TLE4: variants seen among roughly 807,000 people sequenced by gnomAD.
TLE4 encodes the protein TLE family member 4, transcriptional corepressor.
A neutral mutation model predicts 92.8 loss-of-function variants in TLE4; 8 were observed. That is an observed-to-expected ratio of 0.09 (90% CI 0.05 to 0.16). The LOEUF (loss-of-function observed/expected upper bound fraction) is 0.16. Ranked by LOEUF, TLE4 falls within the 10% of genes least tolerant of loss-of-function variation. The probability of loss-of-function intolerance (pLI) is 1.00; values close to 1 mark genes in which losing one functional copy is unlikely to be tolerated. For missense variants in TLE4, 675 were observed against 997.6 expected, an observed-to-expected ratio of 0.68 and a Z score of 4.36; for synonymous variants, 371 against 374.1, an observed-to-expected ratio of 0.99 and a Z score of 0.10.
intron 19 of TLE4, among the ~76,000 whole-genome samples, chr9:79,724,008 T>A (rs1324763673): frequency 6.6e-6 from 1 of 152,224 alleles, no homozygotes; most frequent in Non-Finnish European, 1.5e-5. Flanking sequence ...ATGAGCACAG[T>A]TTAGTTAAAA....
intron 8 of TLE4, among the ~76,000 whole-genome samples, chr9:79,668,422 GGT>G (rs2061742529): frequency 6.6e-6 from 1 of 152,130 alleles, no homozygotes. Context: ...GGAAGTGGAA[GGT>G]GTATTCGGTG....
At chr9:79,661,360 T>C (rs958885656) in intron 8 of TLE4, among the ~76,000 whole-genome samples, 6 of 152,344 alleles carry the variant, frequency 3.9e-5, no homozygotes, top group African/African-American at 1.4e-4. Flanking sequence ...AACTTATGTA[T>C]TTTGTTCTGT....
At chr9:79,681,540 G>A (rs2064583810) in intron 8 of TLE4, among the ~76,000 whole-genome samples, 1 of 152,024 alleles carries the variant, frequency 6.6e-6, no homozygotes, top group Non-Finnish European at 1.5e-5. Flanking sequence ...CATGTTACTG[G>A]GTGTTAGGAC....
intron 8 of TLE4, among the ~76,000 whole-genome samples, chr9:79,680,104 T>A (rs1405993632): frequency 9.2e-5 from 14 of 152,212 alleles, no homozygotes; most frequent in African/African-American, 3.4e-4. Flanking sequence ...ATGCAGGCTC[T>A]TTTTTGGTTC....
intron 5 of TLE4, among the ~76,000 whole-genome samples, chr9:79,626,737 T>C (rs1448915759): frequency 1.3e-5 from 2 of 152,204 alleles, no homozygotes; most frequent in African/African-American, 2.4e-5. Context: ...AAAAAAATTA[T>C]CGTACACTTT....
intron 6 of TLE4, among the ~76,000 whole-genome samples, chr9:79,632,468 C>G (rs1319645207): frequency 6.6e-6 from 1 of 152,182 alleles, no homozygotes; most frequent in Non-Finnish European, 1.5e-5. Flanking sequence ...TCTCCCTCCA[C>G]TTTCCCGGCA....
chr9:79,576,860 GTCT>G (rs1252813760), intron 4 of TLE4: 1 of 151,278 alleles, frequency 6.6e-6, no homozygotes, highest in Non-Finnish European at 1.5e-5. Flanking sequence ...GACTCAAACA[GTCT>G]TCTTTTTGTG....
At chr9:79,586,013 A>G (rs759119152) in intron 4 of TLE4, among the ~76,000 whole-genome samples, 6 of 152,236 alleles carry the variant, frequency 3.9e-5, no homozygotes, top group Non-Finnish European at 7.3e-5. Flanking sequence ...ATAAAAGTAT[A>G]TATAACATAA....
At chr9:79,577,126 G>A (rs866810321) in intron 4 of TLE4, among the ~76,000 whole-genome samples, 9 of 152,094 alleles carry the variant, frequency 5.9e-5, no homozygotes, top group Non-Finnish European at 1.3e-4. Flanking sequence ...AAAGACAAGG[G>A]AAAACTTACT....
intron 6 of TLE4, among the ~76,000 whole-genome samples, chr9:79,628,904 G>A (rs935129246): frequency 1.3e-5 from 2 of 149,210 alleles, no homozygotes; most frequent in Admixed American, 6.6e-5. Context: ...GTGTGTGTGT[G>A]TGTGTATATG....
At chr9:79,577,851 G>A (rs1246665715) in intron 4 of TLE4, among the ~76,000 whole-genome samples, 1 of 152,058 alleles carries the variant, frequency 6.6e-6, no homozygotes, top group African/African-American at 2.4e-5. Context: ...TTGGCTGTAT[G>A]TATTTCTTTT....
chr9:79,652,942 G>A (rs779882101), intron 7 of TLE4, 148 bp downstream of exon 7: 2 of 888,170 alleles, frequency 2.3e-6, no homozygotes, highest in Non-Finnish European at 3.7e-6. Context: ...ATTACTGCAA[G>A]TAGTCAATTG....
chr9:79,618,994 C>T (rs1488030418), intron 5 of TLE4, among the ~76,000 whole-genome samples: 1 of 152,130 alleles, frequency 6.6e-6, no homozygotes, highest in Non-Finnish European at 1.5e-5. Flanking sequence ...AACTTCCATA[C>T]CAACCTGAAT....
intron 4 of TLE4, among the ~76,000 whole-genome samples, chr9:79,611,563 A>T (rs1452966020): frequency 6.6e-6 from 1 of 152,066 alleles, no homozygotes; most frequent in Non-Finnish European, 1.5e-5. Flanking sequence ...GGCCTCACAT[A>T]AAATGAGGAA....
At chr9:79,580,368 A>G (rs1378612803) in intron 4 of TLE4, 1 of 152,216 alleles carries the variant, frequency 6.6e-6, no homozygotes, top group Non-Finnish European at 1.5e-5. Context: ...GCTGTTGTTA[A>G]TTAGGTTGGT....
intron 4 of TLE4, among the ~76,000 whole-genome samples, chr9:79,612,192 C>T (rs2048523854): frequency 6.6e-6 from 1 of 152,036 alleles, no homozygotes; most frequent in Non-Finnish European, 1.5e-5. Context: ...AGTTTAAAAT[C>T]ACAGCACCAA....
chr9:79,685,018 C>T (rs1588224874), intron 8 of TLE4, among the ~76,000 whole-genome samples: 1 of 152,292 alleles, frequency 6.6e-6, no homozygotes, highest in South Asian at 2.1e-4. Context: ...TGCATGCGAA[C>T]GGCTTGGTAA....
chr9:79,600,796 C>T (rs2045443976), intron 4 of TLE4, among the ~76,000 whole-genome samples: 1 of 151,776 alleles, frequency 6.6e-6, no homozygotes. Flanking sequence ...TAAGCACGAA[C>T]TCGTCTACAC....
At chr9:79,665,947 C>T (rs2061322304) in intron 8 of TLE4, among the ~76,000 whole-genome samples, 1 of 152,056 alleles carries the variant, frequency 6.6e-6, no homozygotes, top group African/African-American at 2.4e-5. Flanking sequence ...TATTAGAGAC[C>T]TTTAGAAGGA....
Sources: gnomAD v4.1 joint callset for allele counts (sites outside exome capture counted in the v4.1 genomes callset) on GRCh38, gnomAD v4.1.1 for gene constraint, MANE v1.5 for transcripts, NCBI Gene and HGNC (gene_info 2026-07-23, HGNC 2026-07-21) for gene names.